PKHD1L1: variants seen among roughly 807,000 people sequenced by gnomAD.
The protein encoded by PKHD1L1 is PKHD1 like 1, also known as fibrocystin-L.
A neutral mutation model predicts 462.9 loss-of-function variants in PKHD1L1; 434 were observed. That is an observed-to-expected ratio of 0.94 (90% confidence interval 0.87 to 1.02). PKHD1L1 has a LOEUF of 1.02. Ranked by LOEUF, PKHD1L1 falls within the 50% of genes least tolerant of loss-of-function variation. The probability of loss-of-function intolerance (pLI) is 0.00; values close to 1 mark genes in which losing one functional copy is unlikely to be tolerated. For synonymous variants in PKHD1L1, 1,781 were observed against 1,750.0 expected (o/e 1.02, Z -0.44); for missense variants, 5,202 against 5,096.1 (o/e 1.02, Z -0.63).
rs747973314 is a variant in PKHD1L1, at chr8:109,413,377, A to G, written c.2236-44A>G. On this transcript the variant is annotated intron_variant, in intron 20 of 77. Transcript: ENST00000378402. The stretch of plus-strand genomic sequence containing the variant: ...TATTTGAATTGTTGTGAAACAATGT[A>G]ATGGTAATATATTGTTACCAATGTT... 4.7e-6 allele frequency: 6 copies of G among 1,288,190 alleles called. No homozygotes were observed. In the South Asian group the frequency reaches 7.1e-5, roughly 15 times the overall value. The allele number at this position is 1,288,190 out of a possible 1,614,324, so 79.8% of individuals were successfully genotyped here. A position where few individuals can be genotyped will look rare whatever the true frequency, so the allele number is the denominator to read the frequency against.
chr8:109,449,505 G>A lies in PKHD1L1; in HGVS notation c.6175+18G>A, dbSNP rs1194200780. ...TAATAATGGTAAGTTGTCAGAAAAAGTAATGGCAGTCTTTGAGAACTAGTT... is the reference window on the plus strand; with the variant it reads ...TAATAATGGTAAGTTGTCAGAAAAAATAATGGCAGTCTTTGAGAACTAGTT... On this transcript the variant is annotated intron_variant, in intron 40 of 77. Transcript: ENST00000378402. 3.2e-6 allele frequency: 5 copies of A among 1,556,056 alleles called. No homozygotes were observed. The highest frequency in any genetic ancestry group is 4.3e-6 in the Non-Finnish European group (5 of 1,149,666).
At chr8:109,412,212 G>A in intron 19 of PKHD1L1, 53 bp from the exon 20 acceptor site, 2 of 1,594,770 alleles carry the variant, frequency 1.3e-6, no homozygotes, top group South Asian at 2.3e-5. Flanking sequence ...CACGTTGGGG[G>A]AAAACCAGAA....
chr8:109,477,338 T>C lies in PKHD1L1; in HGVS notation c.9031T>C (p.Phe3011Leu), dbSNP rs1380743243. The C allele has an allele frequency of 1.9e-6, 3 of 1,613,510 alleles. No individual in the cohort carries two copies. Among genetic ancestry groups the C allele is most frequent in the Middle Eastern group, 1.7e-4 (1 of 6,058 alleles). The change falls in exon 53 of 78, where the codon TTT becomes CTT. Residue 3011 changes from phenylalanine (F) to leucine (L), a missense_variant. Physicochemically the swap from Phe to Leu is conservative, Grantham distance 22 (BLOSUM62 0). This residue lies in a region of PKHD1L1 where 4,497 missense variants were observed against 4,336.8 expected (regional missense o/e 1.04). Coordinates refer to ENST00000378402, the MANE Select transcript of PKHD1L1 (RefSeq NM_177531.6). ...QAYCCILQDC[F>L]PVHPPSRKPI... ...TTACTGTTGTATTCTCCAGGATTGC[T>C]TTCCTGTACATCCGCCATCAAGAAA...
intron 48 of PKHD1L1, among the ~76,000 whole-genome samples, chr8:109,462,456 G>A (rs371495867): frequency 1.3e-5 from 2 of 152,068 alleles, no homozygotes; most frequent in African/African-American, 2.4e-5. Context: ...TGCCTTGCTC[G>A]TGCCATGCTA....
chr8:109,479,473 G>T, intron 53 of PKHD1L1, 78 bp from the exon 54 acceptor site: 1 of 973,740 alleles, frequency 1.0e-6, no homozygotes. Flanking sequence ...ATGGGGAAAT[G>T]GAACGGTTTA....
chr8:109,443,732 C>T lies in PKHD1L1; in HGVS notation c.4621C>T (p.Pro1541Ser), dbSNP rs1586524767. ...SSVAGCLATE[P>S]LCSLNNTRVK... is the part of the protein sequence containing the mutation. ...TGTGGCAGGCTGCCTAGCAACAGAA[C>T]CCCTGTGCAGCCTGAACAATACCAG... The change falls in exon 37 of 78, where the codon CCC (proline) becomes TCC (serine). Residue 1541 changes from proline (P) to serine (S), a missense_variant. Pro to Ser is a moderately conservative substitution (Grantham distance 74). Transcript: ENST00000378402. 6.2e-7 allele frequency: 1 copy of T among 1,613,568 alleles called. No individual in the cohort carries two copies. The highest frequency in any genetic ancestry group is 1.1e-5 in the South Asian group (1 of 91,054).
chr8:109,480,228 A>G (rs1586596736), intron 55 of PKHD1L1, 89 bp downstream of exon 55: 1 of 1,364,138 alleles, frequency 7.3e-7, no homozygotes, highest in East Asian at 2.6e-5. Context: ...AGCATATTCA[A>G]TTGGTGTGAA....
Position 109,493,710 on chromosome 8 carries a change from T to G in PKHD1L1, c.10286T>G (p.Phe3429Cys). Residue 3429 changes from phenylalanine (F) to cysteine (C), a missense_variant, in exon 63 of 78, where the codon TTT becomes TGT. By Grantham distance (205) the Phe-to-Cys change is radical. This residue lies in a region of PKHD1L1 where 4,497 missense variants were observed against 4,336.8 expected (regional missense o/e 1.04). Transcript: ENST00000378402. ...TVLQNNVVAG[F>C]GRAGYRIDGE... ...TTACAGAATAATGTAGTGGCTGGAT[T>G]TGGAAGAGCAGGATACCGCATTGAT... The G allele has an allele frequency of 6.2e-7, 1 of 1,610,142 alleles. No individual in the cohort carries two copies. Among genetic ancestry groups the G allele is most frequent in the South Asian group, 1.1e-5 (1 of 90,614 alleles).
In PKHD1L1 at chr8:109,444,769, AC is replaced by A; in HGVS notation, c.4901del (p.Thr1634IlefsTer2). ...SMDVGIRETVTLTVYNLGTAI... is the reference protein window; with the variant it reads ...SMDVGIRETVXLTVYNLGTAI... ...GGATGTTGGTATCAGGGAAACTGTCACTTTGACTGTCTACAACCTGGGCACT... is the reference window on the plus strand; with the variant it reads ...GGATGTTGGTATCAGGGAAACTGTCATTTGACTGTCTACAACCTGGGCACT... On this transcript the variant is annotated frameshift_variant, in exon 38 of 78. Transcript: ENST00000378402. LOFTEE classifies it high-confidence loss of function. 6.2e-7 allele frequency: 1 copy of A among 1,614,016 alleles called. No individual in the cohort carries two copies. The highest frequency in any genetic ancestry group is 8.5e-7 in the Non-Finnish European group (1 of 1,179,882).
In PKHD1L1 at chr8:109,469,795, T is replaced by C. The variant is rs142114653; in HGVS notation, c.8605+3026T>C. ...CTAGATGTCCAGAATGGAATGATGTTACTTAAACTTTTAAAGTCTGTGGTA... is the reference window on the plus strand; with the variant it reads ...CTAGATGTCCAGAATGGAATGATGTCACTTAAACTTTTAAAGTCTGTGGTA... On this transcript the variant is annotated intron_variant, in intron 50 of 77. Transcript: ENST00000378402. Among the ~76,000 whole-genome samples the C allele has an allele frequency of 6.6e-3, 1,000 of 152,310 alleles. 14 individuals are homozygous for C. Among genetic ancestry groups the C allele is most frequent in the African/African-American group, 0.023 (962 of 41,578 alleles).
intron 21 of PKHD1L1, among the ~76,000 whole-genome samples, chr8:109,416,862 G>A (rs1174200393): frequency 6.6e-6 from 1 of 152,118 alleles, no homozygotes; most frequent in South Asian, 2.1e-4. Flanking sequence ...GACATCTGAG[G>A]TACATTTTCA....
chr8:109,468,811 T>G (rs183744782), intron 50 of PKHD1L1, among the ~76,000 whole-genome samples: 1 of 152,182 alleles, frequency 6.6e-6, no homozygotes. Context: ...TTTTCTTTCC[T>G]TAGTATAATC....
At position 109,439,064 on chromosome 8, in the gene PKHD1L1, G is replaced by C; in HGVS notation, c.3928G>C (p.Val1310Leu). 6.2e-7 allele frequency: 1 copy of C among 1,613,116 alleles called. No homozygotes were observed. Among genetic ancestry groups the C allele is most frequent in the Non-Finnish European group, 8.5e-7 (1 of 1,179,542 alleles). Reference sequence around the variant, plus strand: ...TGGAAAACATGATATCTATGTAGAAGTCAGAAACTGGGGTTTTGCATCAAC... The same window carrying C: ...TGGAAAACATGATATCTATGTAGAACTCAGAAACTGGGGTTTTGCATCAAC... Reference protein sequence around the residue: ...SPGKHDIYVEVRNWGFASTRD... With the variant: ...SPGKHDIYVELRNWGFASTRD... The change falls in exon 32 of 78, where the codon GTC (valine) becomes CTC (leucine). Residue 1310 changes from valine (V) to leucine (L), a missense_variant. By Grantham distance (32) the Val-to-Leu change is conservative. Coordinates refer to ENST00000378402, the MANE Select transcript of PKHD1L1 (RefSeq NM_177531.6).
intron 2 of PKHD1L1, among the ~76,000 whole-genome samples, chr8:109,365,595 A>C (rs1811188734): frequency 6.6e-6 from 1 of 152,226 alleles, no homozygotes; most frequent in Non-Finnish European, 1.5e-5. Context: ...TGTTTCTTAT[A>C]TTGTAAATTG....
intron 21 of PKHD1L1, among the ~76,000 whole-genome samples, chr8:109,417,469 AT>A (rs1168441648): frequency 6.6e-6 from 1 of 152,200 alleles, no homozygotes; most frequent in Non-Finnish European, 1.5e-5. Context: ...TTAAACAAGA[AT>A]ATCATGATTG....
intron 53 of PKHD1L1, 74 bp from the exon 54 acceptor site, chr8:109,479,477 C>A: frequency 1.0e-6 from 1 of 991,674 alleles, no homozygotes; most frequent in Non-Finnish European, 1.5e-6. Context: ...GGAAATGGAA[C>A]GGTTTACATT....
chr8:109,482,455 T>C (rs976248373), intron 56 of PKHD1L1, among the ~76,000 whole-genome samples: 4 of 151,796 alleles, frequency 2.6e-5, no homozygotes, highest in African/African-American at 9.7e-5. Context: ...TAAAAATTTT[T>C]TGTGTGTTTT....
In PKHD1L1 at chr8:109,426,888, G is replaced by A. The variant is rs1814777986; in HGVS notation, c.2846-114G>A. 5 of 666,502 alleles carry A rather than the reference G, an allele frequency of 7.5e-6. No homozygotes were observed. The Admixed American group carries it at 1.2e-4, about 15-fold the overall frequency. The allele number at this position is 666,502 out of a possible 1,614,324, so 41.3% of individuals were successfully genotyped here. On this transcript the variant is annotated intron_variant, in intron 24 of 77. Coordinates refer to ENST00000378402, the MANE Select transcript of PKHD1L1 (RefSeq NM_177531.6). The stretch of plus-strand genomic sequence containing the variant: ...GGCTGATCTCAAACGCCTGACCTCA[G>A]GTGACCCGCCCGCTTTGGCCTCCCA...
At chr8:109,431,736 G>T (rs961048535) in intron 27 of PKHD1L1, among the ~76,000 whole-genome samples, 2 of 152,144 alleles carry the variant, frequency 1.3e-5, no homozygotes, top group Non-Finnish European at 2.9e-5. Flanking sequence ...TGGACATTTA[G>T]ATTGTTTACA....
Sources: allele counts gnomAD v4.1 joint callset (sites outside exome capture counted in the v4.1 genomes callset), GRCh38; gene constraint gnomAD v4.1.1; regional missense constraint gnomAD v4.1.1; transcripts MANE v1.5; gene names NCBI Gene and HGNC (gene_info 2026-07-23, HGNC 2026-07-21).